The following MACROD2 variants were observed in gnomAD, a reference collection of about 807,000 sequenced individuals.
The protein encoded by MACROD2 is ADP-ribose glycohydrolase MACROD2.
Under a neutral mutation model 70.4 loss-of-function variants are expected in MACROD2, and 36 were observed. That is an observed-to-expected ratio of 0.51 (90% CI 0.39 to 0.68). MACROD2 has a LOEUF of 0.68. Ranked by LOEUF, MACROD2 falls within the 30% of genes least tolerant of loss-of-function variation. The probability of loss-of-function intolerance (pLI) is 0.00; values close to 1 mark genes in which losing one functional copy is unlikely to be tolerated. For missense variants in MACROD2, 496 were observed against 538.4 expected, an observed-to-expected ratio of 0.92 and a Z score of 0.78; for synonymous variants, 172 against 178.8, an observed-to-expected ratio of 0.96 and a Z score of 0.30.
intron 8 of MACROD2, among the ~76,000 whole-genome samples, chr20:15,668,318 A>G (rs948338731): frequency 6.6e-6 from 1 of 151,816 alleles, no homozygotes; most frequent in Non-Finnish European, 1.5e-5. Flanking sequence ...AATCAATCCC[A>G]GCATTTTGGG....
chr20:14,737,059 C>G (rs1320822180), intron 5 of MACROD2, among the ~76,000 whole-genome samples: 2 of 152,028 alleles, frequency 1.3e-5, no homozygotes, highest in African/African-American at 4.8e-5. Flanking sequence ...CACCCATCAA[C>G]CCGTCACCTA....
At chr20:15,281,917 C>T (rs1366294785) in intron 6 of MACROD2, among the ~76,000 whole-genome samples, 2 of 152,240 alleles carry the variant, frequency 1.3e-5, no homozygotes, top group Admixed American at 6.5e-5. Flanking sequence ...TCTGCCTGGA[C>T]ATCCAGGCAT....
intron 8 of MACROD2, among the ~76,000 whole-genome samples, chr20:15,621,986 G>T (rs1021661490): frequency 2.0e-5 from 3 of 152,150 alleles, no homozygotes; most frequent in African/African-American, 7.2e-5. Context: ...AGATAGATGC[G>T]CACTAACTGT....
At chr20:14,167,564 T>C (rs1044931399) in intron 3 of MACROD2, among the ~76,000 whole-genome samples, 2 of 151,764 alleles carry the variant, frequency 1.3e-5, no homozygotes, top group African/African-American at 4.8e-5. Flanking sequence ...TTGTGCTTTT[T>C]TTTTTAGTAG....
intron 5 of MACROD2, among the ~76,000 whole-genome samples, chr20:15,027,555 G>A (rs1341301581): frequency 2.8e-5 from 3 of 107,532 alleles, no homozygotes; most frequent in African/African-American, 8.1e-5. Context: ...TGGTGGTGGT[G>A]GTGGGGGGAA....
intron 8 of MACROD2, among the ~76,000 whole-genome samples, chr20:15,656,284 GA>G (rs2049729393): frequency 1.3e-5 from 2 of 152,192 alleles, no homozygotes; most frequent in Non-Finnish European, 2.9e-5. Flanking sequence ...ATGCATAAAA[GA>G]GTCAGGCTGT....
chr20:15,877,403 G>C (rs1297493124), intron 9 of MACROD2, among the ~76,000 whole-genome samples: 2 of 152,054 alleles, frequency 1.3e-5, no homozygotes, highest in Non-Finnish European at 2.9e-5. Flanking sequence ...AAAGTAATTA[G>C]ATTTGAGTGC....
chr20:15,035,436 A>C (rs1252914346), intron 5 of MACROD2, among the ~76,000 whole-genome samples: 1 of 151,812 alleles, frequency 6.6e-6, no homozygotes, highest in Non-Finnish European at 1.5e-5. Context: ...TAAAATAATA[A>C]AATGTAGGTA....
chr20:15,509,409 T>A (rs1351214101), intron 8 of MACROD2, among the ~76,000 whole-genome samples: 2 of 152,044 alleles, frequency 1.3e-5, no homozygotes, highest in Admixed American at 6.6e-5. Context: ...AAAATCAAAC[T>A]TCAGGGTGCA....
chr20:14,284,580 A>G (rs941745466), intron 3 of MACROD2, among the ~76,000 whole-genome samples: 1 of 152,228 alleles, frequency 6.6e-6, no homozygotes, highest in African/African-American at 2.4e-5. Flanking sequence ...AACTCTCATT[A>G]AGATGGGTTG....
At chr20:14,119,968 G>A (rs1461495728) in intron 3 of MACROD2, among the ~76,000 whole-genome samples, 1 of 152,002 alleles carries the variant, frequency 6.6e-6, no homozygotes, top group African/African-American at 2.4e-5. Context: ...CAGCAATTTG[G>A]GAGTCCGAGG....
chr20:14,245,255 T>C (rs6042617), intron 3 of MACROD2, among the ~76,000 whole-genome samples: 147,219 of 151,830 alleles, frequency 0.97, 71,388 homozygotes, highest in Admixed American at 0.99. Context: ...CCCAGCTACT[T>C]GGGAGGCTGA....
intron 6 of MACROD2, among the ~76,000 whole-genome samples, chr20:15,274,499 C>A (rs76074834): frequency 6.6e-6 from 1 of 152,210 alleles, no homozygotes; most frequent in Non-Finnish European, 1.5e-5. Context: ...CACCTCACAT[C>A]TATTTCATCC....
At chr20:15,815,744 T>C (rs1568576397) in intron 8 of MACROD2, among the ~76,000 whole-genome samples, 1 of 152,208 alleles carries the variant, frequency 6.6e-6, no homozygotes, top group Admixed American at 6.6e-5. Flanking sequence ...TATATGAGTC[T>C]GACTTTTAGA....
rs79313166 is a variant in MACROD2 at position 14,376,431 on chromosome 20, T to C, written c.272-117048T>C. On this transcript the variant is annotated intron_variant, in intron 3 of 17. Coordinates refer to ENST00000684519, the MANE Select transcript of MACROD2 (RefSeq NM_001351661.2). ...AATGCCCAGACCCACCCAAGACCAG[T>C]TGAAATAATGTAGTGAAAAGAATGC... Among the ~76,000 whole-genome samples the C allele has an allele frequency of 3.1e-4, 47 of 152,048 alleles. No homozygotes were observed. The East Asian group carries it at 6.8e-3, about 22-fold the overall frequency.
At chr20:14,230,157 A>G (rs2081788143) in intron 3 of MACROD2, among the ~76,000 whole-genome samples, 1 of 152,168 alleles carries the variant, frequency 6.6e-6, no homozygotes, top group South Asian at 2.1e-4. Flanking sequence ...GCTGAAGGTT[A>G]GGGTGGCTGT....
At chr20:14,009,586 C>G (rs1456352323) in intron 2 of MACROD2, among the ~76,000 whole-genome samples, 1 of 152,080 alleles carries the variant, frequency 6.6e-6, no homozygotes, top group Non-Finnish European at 1.5e-5. Flanking sequence ...GGTAAAAATA[C>G]CGTTTGACCC....
At chr20:15,019,765 A>C (rs1380503153) in intron 5 of MACROD2, among the ~76,000 whole-genome samples, 1 of 152,172 alleles carries the variant, frequency 6.6e-6, no homozygotes, top group African/African-American at 2.4e-5. Context: ...AGGATTGACA[A>C]ACACTTTCTG....
At chr20:14,123,506 CCTTTGAAGAAAT>C (rs1167934105) in intron 3 of MACROD2, among the ~76,000 whole-genome samples, 2 of 152,048 alleles carry the variant, frequency 1.3e-5, no homozygotes, top group African/African-American at 4.8e-5. Context: ...TCACCTAGGC[CCTTTGAAGAAAT>C]CTTGCAGTGC....
Sources: allele counts gnomAD v4.1 joint callset (sites outside exome capture counted in the v4.1 genomes callset), GRCh38; gene constraint gnomAD v4.1.1; transcripts MANE v1.5; gene names NCBI Gene and HGNC (gene_info 2026-07-23, HGNC 2026-07-21).